SPG7: variants seen among roughly 807,000 people sequenced by gnomAD.
SPG7 encodes mitochondrial inner membrane m-AAA protease component paraplegin.
SPG7 carries 103 observed loss-of-function variants against 81.9 expected under a neutral mutation model. That is an observed-to-expected ratio of 1.26 (90% CI 1.07 to 1.48). The LOEUF (loss-of-function observed/expected upper bound fraction) is 1.48. Among genes scored for constraint, SPG7 ranks in the 40% most tolerant of loss-of-function variants. SPG7 has a pLI of 0.00. For missense variants in SPG7, 1,241 were observed against 1,087.3 expected (o/e 1.14, Z -1.99); for synonymous variants, 534 against 444.2 (o/e 1.20, Z -2.54).
intron 9 of SPG7, among the ~76,000 whole-genome samples, chr16:89,536,474 AGGCG>A (rs2058419708): frequency 7.1e-6 from 1 of 139,972 alleles, no homozygotes; most frequent in Non-Finnish European, 1.6e-5. Context: ...GAGGCGGGTG[AGGCG>A]GGTGAGGTCA....
At chr16:89,556,857 C>A in intron 16 of SPG7, 30 bp from the exon 17 acceptor site, 3 of 1,562,826 alleles carry the variant, frequency 1.9e-6, no homozygotes, top group Non-Finnish European at 2.6e-6. Context: ...GCCCTGGGGA[C>A]TCACACACTG....
In SPG7 at chr16:89,524,232, G is replaced by A; in HGVS notation, c.603G>A (p.Val201=). 1.2e-6 allele frequency: 2 copies of A among 1,611,582 alleles called. No individual in the cohort carries two copies. Among genetic ancestry groups the A allele is most frequent in the South Asian group, 1.1e-5 (1 of 91,018 alleles). The change falls in exon 4 of 17, where the codon GTG becomes GTA. Residue 201 remains valine, a synonymous_variant. Coordinates refer to ENST00000645818, the MANE Select transcript of SPG7 (RefSeq NM_003119.4). ...AAGTCTACCTGCACCCTGGAGCCGTGGTGTTTGGGCGGCCTGTGAGTGAGG... is the reference window on the plus strand; with the variant it reads ...AAGTCTACCTGCACCCTGGAGCCGTAGTGTTTGGGCGGCCTGTGAGTGAGG... ...VVEVYLHPGA[V]VFGRPRLALM...
At chr16:89,554,099 CT>C in intron 15 of SPG7, 139 bp downstream of exon 15, 1 of 784,750 alleles carries the variant, frequency 1.3e-6, no homozygotes. Context: ...CTTCTGGGCT[CT>C]GCTGTAGTTC....
chr16:89,511,290 A>G (rs565525344), intron 2 of SPG7, among the ~76,000 whole-genome samples: 4 of 152,322 alleles, frequency 2.6e-5, no homozygotes, highest in African/African-American at 9.6e-5. Flanking sequence ...CACTAAAAAT[A>G]CCCTGCAAAT....
At chr16:89,529,078 C>G in intron 5 of SPG7, 1 of 311,836 alleles carries the variant, frequency 3.2e-6, no homozygotes, top group Non-Finnish European at 6.3e-6. Context: ...TCCCAAAGTG[C>G]TAGGATTACA....
chr16:89,530,249 A>G (rs966265172), intron 6 of SPG7: 8 of 326,096 alleles, frequency 2.5e-5, no homozygotes, highest in Non-Finnish European at 4.7e-5. Flanking sequence ...GGTTCAAGCG[A>G]TTCTCCTGCT....
chr16:89,557,141 C>T lies in SPG7; in HGVS notation c.*48C>T, dbSNP rs2058695560. The T allele has an allele frequency of 6.8e-7, 1 of 1,463,482 alleles. No individual in the cohort carries two copies. Among genetic ancestry groups the T allele is most frequent in the Non-Finnish European group, 9.5e-7 (1 of 1,050,512 alleles). The allele number at this position is 1,463,482 out of a possible 1,614,324, so 90.7% of individuals were successfully genotyped here. On this transcript the variant is annotated 3_prime_UTR_variant, in exon 17 of 17. Coordinates refer to ENST00000645818, the MANE Select transcript of SPG7 (RefSeq NM_003119.4). The stretch of plus-strand genomic sequence containing the variant: ...GCGGGTGGTCCGGGAAGTGAGGGCT[C>T]ACTCAGCCACCCTGAGTTGCTTTTC...
At chr16:89,514,204 C>T (rs975609327) in intron 3 of SPG7, 1 of 150,190 alleles carries the variant, frequency 6.7e-6, no homozygotes, top group African/African-American at 2.4e-5. Flanking sequence ...CCACTCAGAA[C>T]TATCTTCTAA....
chr16:89,548,321 C>T, intron 12 of SPG7: 1 of 533,948 alleles, frequency 1.9e-6, no homozygotes, highest in Non-Finnish European at 3.3e-6. Context: ...AGAGTAGACG[C>T]TCGTCCAACA....
chr16:89,535,873 T>C (rs943201245), intron 9 of SPG7, among the ~76,000 whole-genome samples: 6 of 144,658 alleles, frequency 4.1e-5, no homozygotes, highest in Non-Finnish European at 9.2e-5. Context: ...CTGTGTGGCC[T>C]TCACTGTGGC....
intron 3 of SPG7, chr16:89,523,587 T>A: frequency 2.4e-6 from 1 of 410,434 alleles, no homozygotes; most frequent in Non-Finnish European, 4.9e-6. Context: ...CCTGGGACGG[T>A]CGTTTCTTTT....
intron 2 of SPG7, 118 bp from the exon 3 acceptor site, chr16:89,512,830 G>A (rs1196411605): frequency 2.1e-6 from 2 of 974,758 alleles, no homozygotes; most frequent in Non-Finnish European, 3.3e-6. Context: ...ATGGATATAA[G>A]TAGGTTTTTC....
Position 89,508,580 on chromosome 16 carries a change from G to T in SPG7, c.163G>T (p.Ala55Ser). ...CAGGCCTCCGGGGGACCTCGCCGAG[G>T]CTGGAGGCCGAGCTCTGCAGGTAAA... is the stretch of plus-strand genomic sequence containing the variant. ...ASRPPGDLAE[A>S]GGRALQSLQL... The change falls in exon 1 of 17, where the codon GCT (alanine) becomes TCT (serine). Residue 55 changes from alanine (A) to serine (S), a missense_variant. By Grantham distance (99) the Ala-to-Ser change is moderately conservative. Transcript: ENST00000645818. 1.3e-6 allele frequency: 2 copies of T among 1,484,926 alleles called. No homozygotes were observed. The highest frequency in any genetic ancestry group is 8.9e-7 in the Non-Finnish European group (1 of 1,123,090). The allele number at this position is 1,484,926 out of a possible 1,614,324, so 92.0% of individuals were successfully genotyped here.
At chr16:89,511,141 T>C (rs1015425551) in intron 2 of SPG7, among the ~76,000 whole-genome samples, 2 of 152,178 alleles carry the variant, frequency 1.3e-5, no homozygotes, top group African/African-American at 4.8e-5. Flanking sequence ...TCTGGCCAAG[T>C]TGTCCTTTTT....
At chr16:89,517,118 G>C (rs1227413402) in intron 3 of SPG7, 1 of 152,372 alleles carries the variant, frequency 6.6e-6, no homozygotes, top group African/African-American at 2.4e-5. Flanking sequence ...TCACTCCTGT[G>C]TTGCTGAAGG....
intron 3 of SPG7, among the ~76,000 whole-genome samples, chr16:89,513,386 C>G (rs1051510497): frequency 6.6e-6 from 1 of 152,056 alleles, no homozygotes; most frequent in Non-Finnish European, 1.5e-5. Context: ...CGTGATGGCA[C>G]ACGCCTGTAA....
chr16:89,511,001 T>A (rs1449240312), intron 2 of SPG7, among the ~76,000 whole-genome samples: 1 of 152,042 alleles, frequency 6.6e-6, no homozygotes, highest in East Asian at 1.9e-4. Flanking sequence ...CCTAGCTAAT[T>A]TTTGGGGGGT....
chr16:89,555,520 C>G (rs541467381), intron 16 of SPG7: 1 of 191,816 alleles, frequency 5.2e-6, no homozygotes. Context: ...TGGGTCCACA[C>G]GTGATTCAGA....
chr16:89,526,306 C>A, intron 4 of SPG7, 23 bp from the exon 5 acceptor site: 2 of 1,613,696 alleles, frequency 1.2e-6, no homozygotes, highest in South Asian at 2.2e-5. Flanking sequence ...TTCTCATGGT[C>A]CCCTCTCCTT....
Sources: allele counts gnomAD v4.1 joint callset (sites outside exome capture counted in the v4.1 genomes callset), GRCh38; gene constraint gnomAD v4.1.1; transcripts MANE v1.5; gene names NCBI Gene and HGNC (gene_info 2026-07-23, HGNC 2026-07-21).